The following ABCC1 variants were observed in gnomAD, a reference collection of about 807,000 sequenced individuals.
ABCC1 encodes ATP binding cassette subfamily C member 1 (ABCC1 blood group).
A neutral mutation model predicts 172.9 loss-of-function variants in ABCC1; 83 were observed. The ratio of observed to expected loss-of-function variants is 0.48; its 90% confidence interval spans 0.40 to 0.58. The LOEUF is 0.58. Among genes scored for constraint, ABCC1 ranks in the 20% least tolerant of loss-of-function variants. The pLI, the probability that ABCC1 is intolerant of heterozygous loss-of-function variation, is 0.00. For missense variants in ABCC1, 1,817 were observed against 2,002.7 expected (o/e 0.91, Z 1.77); for synonymous variants, 937 against 825.2 (o/e 1.14, Z -2.32).
chr16:16,051,120 A>G (rs1461604624), intron 10 of ABCC1, among the ~76,000 whole-genome samples: 1 of 151,648 alleles, frequency 6.6e-6, no homozygotes, highest in Non-Finnish European at 1.5e-5. Context: ...ACTTGGGGCC[A>G]GACAGTTCTT....
intron 21 of ABCC1, among the ~76,000 whole-genome samples, chr16:16,108,364 G>A (rs958925974): frequency 4.8e-5 from 7 of 146,148 alleles, no homozygotes; most frequent in South Asian, 2.3e-4. Flanking sequence ...TCCGCCTCCC[G>A]GGTTCAAGCA....
rs141319862 is a variant in ABCC1, at chr16:16,071,426, T to C, written c.1825-216T>C. Among the ~76,000 whole-genome samples, 219 of 152,216 alleles carry C rather than the reference T, an allele frequency of 1.4e-3. 1 individual carries two copies. The highest frequency in any genetic ancestry group is 4.9e-3 in the African/African-American group (205 of 41,546). On this transcript the variant is annotated intron_variant, in intron 13 of 30. Coordinates refer to ENST00000399410, the MANE Select transcript of ABCC1 (RefSeq NM_004996.4). ...CGCCCATTTTTTCTGAAATACCTTT[T>C]GTGGGCTTTTAAAACAAAGCAGAAC...
intron 12 of ABCC1, among the ~76,000 whole-genome samples, chr16:16,061,509 C>T (rs2049910884): frequency 6.6e-6 from 1 of 152,150 alleles, no homozygotes; most frequent in African/African-American, 2.4e-5. Flanking sequence ...CGAAGTGTCC[C>T]CTTGGGGGAC....
chr16:16,084,492 T>A (rs2050931859), intron 17 of ABCC1, among the ~76,000 whole-genome samples: 1 of 147,530 alleles, frequency 6.8e-6, no homozygotes, highest in Non-Finnish European at 1.5e-5. Flanking sequence ...GCCTCTTGAA[T>A]AGCTGGGACT....
intron 14 of ABCC1, among the ~76,000 whole-genome samples, chr16:16,073,670 T>C (rs2050440745): frequency 6.6e-6 from 1 of 152,148 alleles, no homozygotes. Context: ...GGCAGGAGGA[T>C]TGGCTGAGCC....
chr16:16,014,438 A>G, intron 3 of ABCC1, 53 bp from the exon 4 acceptor site: 1 of 1,595,146 alleles, frequency 6.3e-7, no homozygotes, highest in Admixed American at 1.7e-5. Context: ...CAAGAGTGAA[A>G]CTCTGTCTCA....
chr16:15,975,626 G>C (rs1030689936), intron 1 of ABCC1, among the ~76,000 whole-genome samples: 1 of 151,402 alleles, frequency 6.6e-6, no homozygotes, highest in Admixed American at 6.6e-5. Flanking sequence ...GTGGGGTCTC[G>C]GCTCACAGCA....
At chr16:16,111,284 A>G (rs4780592) in intron 21 of ABCC1, 91 bp from the exon 22 acceptor site, 563,959 of 1,023,540 alleles carry the variant, frequency 0.55, 158,968 homozygotes, top group East Asian at 0.75. Flanking sequence ...GCTGGGTGGC[A>G]CAGTGCTGGT....
chr16:16,014,749 C>T (rs1358519155), intron 4 of ABCC1, 121 bp downstream of exon 4: 5 of 1,173,304 alleles, frequency 4.3e-6, no homozygotes, highest in African/African-American at 3.1e-5. Context: ...GTACCACATG[C>T]ACCTAGCTTC....
rs147159912 is a variant in ABCC1, at chr16:16,030,152, G to A, written c.616-2957G>A. ...ACTTGTTTCTTTCCGCTTTTTCTGCGTTCAAACAATGACCTGGTTCACTGA... is the reference window on the plus strand; with the variant it reads ...ACTTGTTTCTTTCCGCTTTTTCTGCATTCAAACAATGACCTGGTTCACTGA... On this transcript the variant is annotated intron_variant, in intron 5 of 30. Coordinates refer to ENST00000399410, the MANE Select transcript of ABCC1 (RefSeq NM_004996.4). Among the ~76,000 whole-genome samples, 467 of 152,240 alleles carry A rather than the reference G, an allele frequency of 3.1e-3. 5 individuals are homozygous for A. Among genetic ancestry groups the A allele is most frequent in the African/African-American group, 0.011 (443 of 41,548 alleles).
intron 26 of ABCC1, among the ~76,000 whole-genome samples, chr16:16,129,827 T>A (rs767023361): frequency 8.5e-5 from 13 of 152,102 alleles, no homozygotes; most frequent in Non-Finnish European, 1.8e-4. Context: ...TGTGAGCCAC[T>A]GCGCCGGCAA....
intron 1 of ABCC1, among the ~76,000 whole-genome samples, chr16:16,003,947 G>GT (rs968618495): frequency 6.6e-6 from 1 of 151,010 alleles, no homozygotes; most frequent in Non-Finnish European, 1.5e-5. Context: ...AATTGGTTGG[G>GT]GGGGGTGGAT....
At chr16:16,092,188 A>G (rs2051282313) in intron 19 of ABCC1, among the ~76,000 whole-genome samples, 1 of 152,234 alleles carries the variant, frequency 6.6e-6, no homozygotes, top group African/African-American at 2.4e-5. Flanking sequence ...CAGTGAACCG[A>G]GATCGTGCCA....
intron 1 of ABCC1, among the ~76,000 whole-genome samples, chr16:15,965,285 C>CTT (rs1337477385): frequency 1.4e-5 from 2 of 145,208 alleles, no homozygotes; most frequent in East Asian, 2.0e-4. Context: ...TTTCTTTCTC[C>CTT]TTTTTTTTTT....
chr16:16,027,922 GT>G (rs990979422), intron 5 of ABCC1, among the ~76,000 whole-genome samples: 2 of 152,080 alleles, frequency 1.3e-5, no homozygotes, highest in African/African-American at 4.8e-5. Flanking sequence ...TTCTTTGGCT[GT>G]TACTTTGTGC....
At position 16,138,348 on chromosome 16, in the gene ABCC1, T is replaced by A; in HGVS notation, c.4293-16T>A. ...TTGACCCAACACTATCTCCTGGTTTTTTTCTTCCGGTCAAGTGTCGGGCAG... is the reference window on the plus strand; with the variant it reads ...TTGACCCAACACTATCTCCTGGTTTATTTCTTCCGGTCAAGTGTCGGGCAG... On this transcript the variant is annotated splice_polypyrimidine_tract_variant and intron_variant, in intron 29 of 30. Transcript: ENST00000399410. 3 of 1,568,762 alleles carry A rather than the reference T, an allele frequency of 1.9e-6. No homozygotes were observed. In the South Asian group the frequency reaches 3.4e-5, roughly 18 times the overall value.
intron 7 of ABCC1, among the ~76,000 whole-genome samples, chr16:16,039,239 A>ATG (rs71137905): frequency 0.11 from 13,054 of 119,398 alleles, 736 homozygotes; most frequent in East Asian, 0.32. Flanking sequence ...GTGTGTATGT[A>ATG]TGTGTGTGTG....
chr16:16,043,204 G>T (rs2049048374), intron 7 of ABCC1, among the ~76,000 whole-genome samples: 1 of 141,844 alleles, frequency 7.1e-6, no homozygotes, highest in East Asian at 2.0e-4. Flanking sequence ...TTGCTGTGTT[G>T]CTCTGGCTGG....
At chr16:15,999,311 A>AT (rs896324329) in intron 1 of ABCC1, among the ~76,000 whole-genome samples, 4 of 151,938 alleles carry the variant, frequency 2.6e-5, no homozygotes, top group Middle Eastern at 3.2e-3. Context: ...AGCCAAAAAA[A>AT]TTTTTTTAAA....
Sources: allele counts gnomAD v4.1 joint callset (sites outside exome capture counted in the v4.1 genomes callset), GRCh38; gene constraint gnomAD v4.1.1; transcripts MANE v1.5; gene names NCBI Gene and HGNC (gene_info 2026-07-23, HGNC 2026-07-21).